Variants in XKR6 observed in about 807,000 individuals in gnomAD.
XKR6 encodes the protein XK-related protein 6.
XKR6 carries 22 observed loss-of-function variants against 56.7 expected under a neutral mutation model. That is an observed-to-expected ratio of 0.39 (90% CI 0.28 to 0.55). The LOEUF (loss-of-function observed/expected upper bound fraction) is 0.55, where lower values mean the gene tolerates loss of function less well. Among genes scored for constraint, XKR6 ranks in the 20% least tolerant of loss-of-function variants. XKR6 has a pLI of 0.66. For missense variants in XKR6, 852 were observed against 889.0 expected, an observed-to-expected ratio of 0.96 and a Z score of 0.53; for synonymous variants, 524 against 387.8, an observed-to-expected ratio of 1.35 and a Z score of -4.13.
intron 1 of XKR6, among the ~76,000 whole-genome samples, chr8:10,980,977 GA>G (rs565839297): frequency 4.1e-5 from 6 of 148,044 alleles, no homozygotes; most frequent in East Asian, 3.9e-4. Context: ...AGCTGTTTCA[GA>G]AAAAAAAAAG....
chr8:10,918,644 G>A (rs529226915), intron 2 of XKR6, among the ~76,000 whole-genome samples: 16 of 152,332 alleles, frequency 1.1e-4, no homozygotes, highest in African/African-American at 2.2e-4. Flanking sequence ...CCACTTCCAA[G>A]CTTGAGGCGT....
chr8:11,098,908 GA>G (rs200577805), intron 1 of XKR6, among the ~76,000 whole-genome samples: 19 of 150,276 alleles, frequency 1.3e-4, no homozygotes, highest in African/African-American at 3.9e-4. Context: ...TTCCCCCATG[GA>G]AAAAAAAATG....
chr8:11,194,777 T>C (rs1439683210), intron 1 of XKR6: 9 of 262,972 alleles, frequency 3.4e-5, no homozygotes, highest in African/African-American at 2.0e-4. Context: ...TCAAATGATG[T>C]TGAAGACAGA....
In XKR6 at chr8:11,157,743, G is replaced by A. The variant is rs369683695; in HGVS notation, c.764+42833C>T. 3.2e-3 allele frequency among the ~76,000 whole-genome samples: 487 copies of A among 152,200 alleles called. 23 individuals carry two copies. In the South Asian group the frequency reaches 0.09, roughly 28 times the overall value. On this transcript the variant is annotated intron_variant, in intron 1 of 2. Transcript: ENST00000416569. ...ACCATGTTGCTGGGCTCAATCTCCCGGTCTCAAGCAATCCTTCCATCTTGG... is the reference window on the plus strand; with the variant it reads ...ACCATGTTGCTGGGCTCAATCTCCCAGTCTCAAGCAATCCTTCCATCTTGG...
intron 1 of XKR6, among the ~76,000 whole-genome samples, chr8:11,181,948 G>T (rs1183499017): frequency 6.6e-6 from 1 of 151,992 alleles, no homozygotes; most frequent in African/African-American, 2.4e-5. Flanking sequence ...CGCCTTCCAG[G>T]CTCAAGCCAC....
At chr8:11,021,827 C>A (rs1318011905) in intron 1 of XKR6, among the ~76,000 whole-genome samples, 1 of 152,110 alleles carries the variant, frequency 6.6e-6, no homozygotes, top group Non-Finnish European at 1.5e-5. Context: ...CCTCAAGGAA[C>A]TTTAGGGTAA....
rs1365431369 is a variant in XKR6, at chr8:11,129,031, A to G, written c.764+71545T>C. Reference sequence around the variant, plus strand: ...ACTGAGGTGAAACTTACACACAGTGAAATTAAGCACATCTTAGGCTTCAAT... The same window carrying G: ...ACTGAGGTGAAACTTACACACAGTGGAATTAAGCACATCTTAGGCTTCAAT... On this transcript the variant is annotated intron_variant, in intron 1 of 2. Transcript: ENST00000416569. 4 of 453,278 alleles carry G rather than the reference A, an allele frequency of 8.8e-6. No homozygotes were observed. The East Asian group carries it at 2.8e-4, about 32-fold the overall frequency. 28.1% of individuals were successfully genotyped at this position (453,278 alleles called of 1,614,324 possible). A position where few individuals can be genotyped will look rare whatever the true frequency, so the allele number is the denominator to read the frequency against.
chr8:11,002,429 T>C, intron 1 of XKR6: 1 of 413,436 alleles, frequency 2.4e-6, no homozygotes, highest in South Asian at 1.9e-5. Flanking sequence ...CGTGCAGCAG[T>C]ACACAGTGTT....
intron 1 of XKR6, among the ~76,000 whole-genome samples, chr8:11,035,954 T>TA (rs1020103174): frequency 6.8e-6 from 1 of 147,772 alleles, no homozygotes; most frequent in Admixed American, 6.7e-5. Flanking sequence ...TTTTTTTTTT[T>TA]TTTTTTTGAG....
Position 11,172,989 on chromosome 8 carries a change from T to C in XKR6, c.764+27587A>G, listed in dbSNP as rs538256836. Among the ~76,000 whole-genome samples the C allele has an allele frequency of 4.6e-5, 7 of 152,266 alleles. No homozygotes were observed. The East Asian group carries it at 1.3e-3, about 29-fold the overall frequency. On this transcript the variant is annotated intron_variant, in intron 1 of 2. Transcript: ENST00000416569. The stretch of plus-strand genomic sequence containing the variant: ...ATCCGGTATTTAAGCCATTAACAGA[T>C]CTATAATTTCCATTTACCTGATTTG...
chr8:11,173,544 G>C (rs1802494214), intron 1 of XKR6, among the ~76,000 whole-genome samples: 1 of 152,044 alleles, frequency 6.6e-6, no homozygotes, highest in Non-Finnish European at 1.5e-5. Context: ...CAGGATGCTG[G>C]ACAAGCTGCT....
chr8:11,055,898 C>T (rs191187365), intron 1 of XKR6, among the ~76,000 whole-genome samples: 4 of 152,282 alleles, frequency 2.6e-5, no homozygotes, highest in Non-Finnish European at 4.4e-5. Context: ...ACCTGATTTC[C>T]TTCATACCCC....
At chr8:11,156,247 C>T (rs535024639) in intron 1 of XKR6, among the ~76,000 whole-genome samples, 14 of 152,282 alleles carry the variant, frequency 9.2e-5, no homozygotes, top group Admixed American at 9.2e-4. Flanking sequence ...CGGTTTTTCT[C>T]CCTCTGTTCT....
At chr8:10,976,241 T>C (rs1802554788) in intron 1 of XKR6, among the ~76,000 whole-genome samples, 1 of 151,944 alleles carries the variant, frequency 6.6e-6, no homozygotes, top group Non-Finnish European at 1.5e-5. Context: ...AGTGGGGTCA[T>C]TAGCAGAAAA....
intron 1 of XKR6, among the ~76,000 whole-genome samples, chr8:11,013,143 A>T (rs1798538184): frequency 6.6e-6 from 1 of 152,220 alleles, no homozygotes; most frequent in African/African-American, 2.4e-5. Context: ...CCTTAACACC[A>T]TGAGGCATTT....
intron 1 of XKR6, among the ~76,000 whole-genome samples, chr8:10,981,361 G>A (rs903933277): frequency 6.6e-6 from 1 of 152,148 alleles, no homozygotes; most frequent in Non-Finnish European, 1.5e-5. Flanking sequence ...GCCCATGGAG[G>A]CCTCACCAGA....
rs368387461 is a variant in XKR6, at chr8:11,015,513, G to A, written c.765-90683C>T. On this transcript the variant is annotated intron_variant, in intron 1 of 2. Transcript: ENST00000416569. Reference sequence around the variant, plus strand: ...ACCTCGGGGAGGGACTCTGAAGAGAGTTAGGGGAAGAGGGAGGAGAGGGGG... The same window carrying A: ...ACCTCGGGGAGGGACTCTGAAGAGAATTAGGGGAAGAGGGAGGAGAGGGGG... Among the ~76,000 whole-genome samples, 222 of 152,308 alleles carry A rather than the reference G, an allele frequency of 1.5e-3. 6 individuals carry two copies. In the South Asian group the frequency reaches 0.044, roughly 30 times the overall value.
chr8:11,134,646 T>A (rs757796594), intron 1 of XKR6, among the ~76,000 whole-genome samples: 1 of 152,008 alleles, frequency 6.6e-6, no homozygotes, highest in Admixed American at 6.6e-5. Flanking sequence ...TTACTGTGAG[T>A]TGGAGTGTAA....
intron 1 of XKR6, among the ~76,000 whole-genome samples, chr8:11,174,561 C>T (rs983986735): frequency 1.8e-4 from 27 of 152,254 alleles, no homozygotes; most frequent in African/African-American, 6.0e-4. Context: ...AAAATGAATA[C>T]AAAATATTGT....
Sources: gnomAD v4.1 joint callset for allele counts (sites outside exome capture counted in the v4.1 genomes callset) on GRCh38, gnomAD v4.1.1 for gene constraint, MANE v1.5 for transcripts, NCBI Gene and HGNC (gene_info 2026-07-23, HGNC 2026-07-21) for gene names.